The following SLC39A11 variants were observed in gnomAD, a reference collection of about 807,000 sequenced individuals.
The protein encoded by SLC39A11 is zinc transporter ZIP11.
A neutral mutation model predicts 36.1 loss-of-function variants in SLC39A11; 33 were observed. The observed-to-expected ratio is 0.91, with a 90% CI of 0.69 to 1.22. The LOEUF is 1.22. Ranked by LOEUF, SLC39A11 falls within the 50% of genes most tolerant of loss-of-function variation. SLC39A11 has a pLI of 0.00. For synonymous variants in SLC39A11, 166 were observed against 170.3 expected (o/e 0.97, Z 0.20); for missense variants, 432 against 430.3 (o/e 1.00, Z -0.03).
intron 5 of SLC39A11, among the ~76,000 whole-genome samples, chr17:72,943,343 C>T (rs2085237315): frequency 6.6e-6 from 1 of 152,180 alleles, no homozygotes; most frequent in South Asian, 2.1e-4. Context: ...AGACACTCAG[C>T]TAATGGCCAG....
At chr17:72,999,565 C>A (rs73349386) in intron 4 of SLC39A11, among the ~76,000 whole-genome samples, 13 of 152,150 alleles carry the variant, frequency 8.5e-5, no homozygotes, top group Non-Finnish European at 1.6e-4. Context: ...ATTTCATACA[C>A]GTGTTTTGAG....
intron 6 of SLC39A11, among the ~76,000 whole-genome samples, chr17:72,753,457 G>A (rs2075233028): frequency 6.6e-6 from 1 of 152,104 alleles, no homozygotes; most frequent in Non-Finnish European, 1.5e-5. Flanking sequence ...TAATTTTCAA[G>A]AACTCTTTCT....
At chr17:72,790,119 G>T (rs559615262) in intron 6 of SLC39A11, among the ~76,000 whole-genome samples, 96 of 152,292 alleles carry the variant, frequency 6.3e-4, no homozygotes, top group African/African-American at 2.3e-3. Flanking sequence ...TAACAAGCCG[G>T]GTGGGCAGAT....
intron 7 of SLC39A11, among the ~76,000 whole-genome samples, chr17:72,682,738 C>T (rs2071562219): frequency 6.6e-6 from 1 of 152,238 alleles, no homozygotes; most frequent in South Asian, 2.1e-4. Context: ...AGCTCTTCAC[C>T]TCCAATCATG....
intron 6 of SLC39A11, among the ~76,000 whole-genome samples, chr17:72,837,283 T>A (rs1330586132): frequency 6.6e-6 from 1 of 151,594 alleles, no homozygotes. Flanking sequence ...AAAACAACTT[T>A]ATTTTTCTCC....
chr17:72,681,128 T>C (rs1256109403), intron 7 of SLC39A11, among the ~76,000 whole-genome samples: 2 of 152,114 alleles, frequency 1.3e-5, no homozygotes, highest in Admixed American at 1.3e-4. Context: ...GGTTTCACCA[T>C]GTTGACCAGG....
intron 9 of SLC39A11, among the ~76,000 whole-genome samples, chr17:72,648,141 C>G (rs1442032928): frequency 2.0e-5 from 3 of 151,964 alleles, no homozygotes; most frequent in Non-Finnish European, 4.4e-5. Context: ...ACCAGCCTGG[C>G]TAACATGGCG....
At chr17:72,891,874 T>G (rs1043151644) in intron 5 of SLC39A11, among the ~76,000 whole-genome samples, 5 of 151,898 alleles carry the variant, frequency 3.3e-5, no homozygotes, top group Admixed American at 2.0e-4. Context: ...ATTTTAAAAT[T>G]TAAAAAACTC....
chr17:72,985,314 ACGGGACTAGCCAGCTAT>A (rs2088640808), intron 4 of SLC39A11, among the ~76,000 whole-genome samples: 1 of 151,604 alleles, frequency 6.6e-6, no homozygotes, highest in African/African-American at 2.4e-5. Flanking sequence ...AACTTTGCTG[ACGGGACTAGCCAGCTAT>A]ATCTGACCCT....
chr17:72,777,920 T>C (rs1209704580), intron 6 of SLC39A11, among the ~76,000 whole-genome samples: 1 of 151,708 alleles, frequency 6.6e-6, no homozygotes, highest in East Asian at 1.9e-4. Flanking sequence ...TACTTACTTA[T>C]TTGAGACAGA....
intron 6 of SLC39A11, among the ~76,000 whole-genome samples, chr17:72,767,813 G>A (rs1045832104): frequency 2.6e-5 from 4 of 152,132 alleles, no homozygotes; most frequent in African/African-American, 9.7e-5. Flanking sequence ...ACCACCCAGG[G>A]GTTACAAAGA....
intron 6 of SLC39A11, among the ~76,000 whole-genome samples, chr17:72,829,150 G>T (rs1334149397): frequency 6.6e-6 from 1 of 152,004 alleles, no homozygotes; most frequent in African/African-American, 2.4e-5. Context: ...ACAAGAGTTT[G>T]ACACCAGCCT....
chr17:72,779,448 T>A (rs1253260787), intron 6 of SLC39A11, among the ~76,000 whole-genome samples: 8 of 144,018 alleles, frequency 5.6e-5, no homozygotes, highest in Non-Finnish European at 1.2e-4. Flanking sequence ...TAAAATAAAA[T>A]AAAAAAATAA....
intron 4 of SLC39A11, among the ~76,000 whole-genome samples, chr17:72,951,474 T>A (rs1159896818): frequency 2.0e-5 from 3 of 152,150 alleles, no homozygotes; most frequent in African/African-American, 7.2e-5. Flanking sequence ...TTCTGTTAAG[T>A]GTCAACTCTG....
chr17:72,854,947 G>A (rs972180830), intron 5 of SLC39A11, among the ~76,000 whole-genome samples: 2 of 152,204 alleles, frequency 1.3e-5, no homozygotes, highest in Non-Finnish European at 2.9e-5. Context: ...TCATAGGATG[G>A]AGAAAAGCAG....
In SLC39A11 at chr17:72,871,141, G is replaced by A. The variant is rs547104762; in HGVS notation, c.431-21337C>T. Among the ~76,000 whole-genome samples, 6 of 149,320 alleles carry A rather than the reference G, an allele frequency of 4.0e-5. No homozygotes were observed. The East Asian group carries it at 8.0e-4, about 20-fold the overall frequency. On this transcript the variant is annotated intron_variant, in intron 5 of 9. Transcript: ENST00000255559. ...CAGTGGTGCAATCCAGGCTCACTGC[G>A]TCTTCCGCCTCCCAAGTTCAAGTGA... is the stretch of plus-strand genomic sequence containing the variant.
intron 6 of SLC39A11, among the ~76,000 whole-genome samples, chr17:72,768,297 T>C (rs192867964): frequency 1.3e-5 from 2 of 152,366 alleles, no homozygotes; most frequent in African/African-American, 2.4e-5. Context: ...GAAGGGCTAT[T>C]ATCATTTAAA....
In SLC39A11 at chr17:72,894,499, T is replaced by TA. The variant is rs35812666; in HGVS notation, c.431-44696dup. Reference sequence around the variant, plus strand: ...TAACATGGTGAAACCTCATCCCTACTAAAAAAAAAAAAAAAAAAAAATTAG... The same window carrying TA: ...TAACATGGTGAAACCTCATCCCTACTAAAAAAAAAAAAAAAAAAAAAATTAG... On this transcript the variant is annotated intron_variant, in intron 5 of 9. Transcript: ENST00000255559. Among the ~76,000 whole-genome samples the TA allele has an allele frequency of 5.8e-3, 639 of 110,518 alleles. 4 individuals carry two copies. Among genetic ancestry groups the TA allele is most frequent in the East Asian group, 0.025 (99 of 3,932 alleles). 72.5% of individuals were successfully genotyped at this position (110,518 alleles called of 152,430 possible).
chr17:72,919,166 T>C (rs931591640), intron 5 of SLC39A11, among the ~76,000 whole-genome samples: 3 of 152,266 alleles, frequency 2.0e-5, no homozygotes, highest in Admixed American at 6.5e-5. Context: ...TTCTGGAGCA[T>C]GGTTATACAT....
Sources: allele counts gnomAD v4.1 joint callset (sites outside exome capture counted in the v4.1 genomes callset), GRCh38; gene constraint gnomAD v4.1.1; transcripts MANE v1.5; gene names NCBI Gene and HGNC (gene_info 2026-07-23, HGNC 2026-07-21).